FLRT2: variants seen among roughly 807,000 people sequenced by gnomAD.
The protein encoded by FLRT2 is fibronectin leucine rich transmembrane protein 2, also known as leucine-rich repeat transmembrane protein FLRT2.
A neutral mutation model predicts 40.0 loss-of-function variants in FLRT2; 15 were observed. The observed-to-expected ratio is 0.38, with a 90% CI of 0.25 to 0.58. The LOEUF (loss-of-function observed/expected upper bound fraction) is 0.58, where lower values mean the gene tolerates loss of function less well. Ranked by LOEUF, FLRT2 falls within the 20% of genes least tolerant of loss-of-function variation. The pLI is 0.71. For synonymous variants in FLRT2, 380 were observed against 336.8 expected, an observed-to-expected ratio of 1.13 and a Z score of -1.41; for missense variants, 726 against 840.0, an observed-to-expected ratio of 0.86 and a Z score of 1.68.
At chr14:85,612,857 A>G (rs1279551690) in intron 1 of FLRT2, among the ~76,000 whole-genome samples, 1 of 152,210 alleles carries the variant, frequency 6.6e-6, no homozygotes, top group African/African-American at 2.4e-5. Context: ...AATACACACT[A>G]TGTAATTTCA....
Position 85,571,211 on chromosome 14 carries a change from A to T in FLRT2, c.-377+40677A>T, listed in dbSNP as rs983201297. Among the ~76,000 whole-genome samples the T allele has an allele frequency of 5.6e-4, 85 of 152,298 alleles. 1 individual carries two copies. Among genetic ancestry groups the T allele is most frequent in the African/African-American group, 1.9e-3 (80 of 41,572 alleles). ...CTGTAGAAAACGATGTCATCTTAAG[A>T]ATCCCATCATGTTAACTTAGGGTCT... On this transcript the variant is annotated intron_variant, in intron 1 of 1. Transcript: ENST00000330753.
chr14:85,622,402 T>G lies in FLRT2; in HGVS notation c.888T>G (p.Phe296Leu). 1 of 1,614,180 alleles carries G rather than the reference T, an allele frequency of 6.2e-7. No homozygotes were observed. Among genetic ancestry groups the G allele is most frequent in the Non-Finnish European group, 8.5e-7 (1 of 1,180,034 alleles). Residue 296 changes from phenylalanine to leucine, a missense_variant, in exon 2 of 2, where the codon TTT becomes TTG. Phe to Leu is a conservative substitution (Grantham distance 22, BLOSUM62 0). Transcript: ENST00000330753. The stretch of plus-strand genomic sequence containing the variant: ...TGCGGATGCTGACTCAAGGGGTTTT[T>G]GATAATCTCTCCAACCTGAAGCAGC... ...NQLRMLTQGV[F>L]DNLSNLKQLT...
chr14:85,601,417 C>A (rs1892373559), intron 1 of FLRT2, among the ~76,000 whole-genome samples: 1 of 152,166 alleles, frequency 6.6e-6, no homozygotes, highest in African/African-American at 2.4e-5. Context: ...TAAAATTATG[C>A]CCAACATCAC....
rs1893796073 is a variant in FLRT2 at position 85,628,753 on chromosome 14, GTAATTCATA to G, written c.*5258_*5266del. The G allele has an allele frequency of 6.6e-6, 1 of 152,172 alleles. No individual in the cohort carries two copies. Among genetic ancestry groups the G allele is most frequent in the Admixed American group, 6.5e-5 (1 of 15,268 alleles). 9.4% of individuals were successfully genotyped at this position (152,172 alleles called of 1,614,324 possible). A position where few individuals can be genotyped will look rare whatever the true frequency, so the allele number is the denominator to read the frequency against. ...TGACTATGAAAGACAGTGCTAACAA[GTAATTCATA>G]TTACTTTTGGGGATTTTATGTAAAG... On this transcript the variant is annotated 3_prime_UTR_variant, in exon 2 of 2. Coordinates refer to ENST00000330753, the MANE Select transcript of FLRT2 (RefSeq NM_013231.6).
At chr14:85,593,603 G>A (rs1425414634) in intron 1 of FLRT2, among the ~76,000 whole-genome samples, 2 of 152,092 alleles carry the variant, frequency 1.3e-5, no homozygotes, top group East Asian at 1.9e-4. Context: ...AATGAATAAT[G>A]TTTTACAAAT....
At position 85,624,020 on chromosome 14, in the gene FLRT2, T is replaced by C. The variant is rs933167954; in HGVS notation, c.*523T>C. On this transcript the variant is annotated 3_prime_UTR_variant, in exon 2 of 2. Coordinates refer to ENST00000330753, the MANE Select transcript of FLRT2 (RefSeq NM_013231.6). ...TCTATAATGTAAGAATGGAGGTAGT[T>C]ACCCTGATTTGACCCTGTGTGGGAA... The C allele has an allele frequency of 6.6e-5, 11 of 167,226 alleles. No individual in the cohort carries two copies. The highest frequency in any genetic ancestry group is 4.1e-4 in the South Asian group (2 of 4,826). 10.4% of individuals were successfully genotyped at this position (167,226 alleles called of 1,614,324 possible). A position where few individuals can be genotyped will look rare whatever the true frequency, so the allele number is the denominator to read the frequency against.
At chr14:85,570,663 G>A (rs1890849312) in intron 1 of FLRT2, among the ~76,000 whole-genome samples, 1 of 151,310 alleles carries the variant, frequency 6.6e-6, no homozygotes, top group Admixed American at 6.6e-5. Context: ...CTCACTGCAA[G>A]CTCTGCCTCC....
intron 1 of FLRT2, among the ~76,000 whole-genome samples, chr14:85,579,239 G>A (rs1012192286): frequency 6.6e-6 from 1 of 152,140 alleles, no homozygotes; most frequent in Non-Finnish European, 1.5e-5. Context: ...AATCTATGCT[G>A]CTTACTGGGA....
chr14:85,626,158 C>G lies in FLRT2; in HGVS notation c.*2661C>G, dbSNP rs541748578. The G allele has an allele frequency of 1.2e-5, 2 of 167,162 alleles. No homozygotes were observed. Among genetic ancestry groups the G allele is most frequent in the South Asian group, 4.2e-4 (2 of 4,818 alleles). The allele number at this position is 167,162 out of a possible 1,614,324, so 10.4% of individuals were successfully genotyped here. On this transcript the variant is annotated 3_prime_UTR_variant, in exon 2 of 2. Transcript: ENST00000330753. Reference sequence around the variant, plus strand: ...CCATTTGTTACAGCCTCACCTGCACCAGGATAGAAAGCACGTGATGGAATC... The same window carrying G: ...CCATTTGTTACAGCCTCACCTGCACGAGGATAGAAAGCACGTGATGGAATC...
intron 1 of FLRT2, among the ~76,000 whole-genome samples, chr14:85,620,186 T>C (rs1893316947): frequency 1.3e-5 from 2 of 152,232 alleles, no homozygotes. Context: ...TCTGCCTTCA[T>C]ACATGCTTCT....
chr14:85,594,422 G>A (rs1204737065), intron 1 of FLRT2, among the ~76,000 whole-genome samples: 1 of 152,130 alleles, frequency 6.6e-6, no homozygotes, highest in Non-Finnish European at 1.5e-5. Context: ...TCCCAGAGAT[G>A]TGTGTGTGCC....
rs754192129 is a variant in FLRT2 at position 85,621,989 on chromosome 14, A to C, written c.475A>C (p.Ile159Leu). 2.3e-5 allele frequency: 37 copies of C among 1,605,198 alleles called. No homozygotes were observed. Among genetic ancestry groups the C allele is most frequent in the Non-Finnish European group, 3.1e-5 (37 of 1,175,700 alleles). ...GGAAGACGGGGCCTTCCGGGAGGCTATTAGCCTCAAATTGTTGTTTTTGTC... is the reference window on the plus strand; with the variant it reads ...GGAAGACGGGGCCTTCCGGGAGGCTCTTAGCCTCAAATTGTTGTTTTTGTC... ...GVEDGAFREA[I>L]SLKLLFLSKN... is the part of the protein sequence containing the mutation. Residue 159 changes from isoleucine to leucine, a missense_variant, in exon 2 of 2, where the codon ATT becomes CTT. By Grantham distance (5) the Ile-to-Leu change is conservative (BLOSUM62 2). Coordinates refer to ENST00000330753, the MANE Select transcript of FLRT2 (RefSeq NM_013231.6).
At chr14:85,601,271 C>T (rs1280423896) in intron 1 of FLRT2, among the ~76,000 whole-genome samples, 7 of 152,158 alleles carry the variant, frequency 4.6e-5, no homozygotes, top group African/African-American at 7.2e-5. Flanking sequence ...CCATCAGGGC[C>T]GGGTTGAACT....
At chr14:85,553,167 T>C (rs1490245439) in intron 1 of FLRT2, among the ~76,000 whole-genome samples, 2 of 152,208 alleles carry the variant, frequency 1.3e-5, no homozygotes, top group Non-Finnish European at 2.9e-5. Flanking sequence ...ATGAAATGCG[T>C]ACCCAGCTCT....
chr14:85,642,740 A>G lies in FLRT2; in HGVS notation c.*19243A>G, dbSNP rs1363894562. 2.0e-5 allele frequency: 3 copies of G among 152,152 alleles called. No individual in the cohort carries two copies. Among genetic ancestry groups the G allele is most frequent in the Non-Finnish European group, 4.4e-5 (3 of 68,032 alleles). 9.4% of individuals were successfully genotyped at this position (152,152 alleles called of 1,614,324 possible). A position where few individuals can be genotyped will look rare whatever the true frequency, so the allele number is the denominator to read the frequency against. On this transcript the variant is annotated 3_prime_UTR_variant, in exon 2 of 2. Coordinates refer to ENST00000330753, the MANE Select transcript of FLRT2 (RefSeq NM_013231.6). ...GAGCTTACCCAACCAGCTCAGAGTG[A>G]TTATAATTGTTTTGCTTTCTGGATT...
chr14:85,597,825 A>C (rs193045256), intron 1 of FLRT2, among the ~76,000 whole-genome samples: 2 of 152,334 alleles, frequency 1.3e-5, no homozygotes, highest in Admixed American at 1.3e-4. Context: ...AAATCTAAAA[A>C]CATGAGTGAA....
chr14:85,628,924 C>G lies in FLRT2; in HGVS notation c.*5427C>G, dbSNP rs1204316096. ...CTCCTACTCTGTTCCAAACACTAGG[C>G]TGAGTTCAGAGGCCTCACAGAATAG... On this transcript the variant is annotated 3_prime_UTR_variant, in exon 2 of 2. Coordinates refer to ENST00000330753, the MANE Select transcript of FLRT2 (RefSeq NM_013231.6). 1 of 152,204 alleles carries G rather than the reference C, an allele frequency of 6.6e-6. No individual in the cohort carries two copies. Among genetic ancestry groups the G allele is most frequent in the Non-Finnish European group, 1.5e-5 (1 of 68,038 alleles). The allele number at this position is 152,204 out of a possible 1,614,324, so 9.4% of individuals were successfully genotyped here. A position where few individuals can be genotyped will look rare whatever the true frequency, so the allele number is the denominator to read the frequency against.
At chr14:85,619,872 T>A (rs1489774096) in intron 1 of FLRT2, among the ~76,000 whole-genome samples, 5 of 152,224 alleles carry the variant, frequency 3.3e-5, no homozygotes, top group Non-Finnish European at 7.3e-5. Context: ...TTGCCTTGAC[T>A]TCCTCAACTG....
intron 1 of FLRT2, among the ~76,000 whole-genome samples, chr14:85,589,414 T>C (rs1015687886): frequency 2.0e-5 from 3 of 152,236 alleles, no homozygotes; most frequent in Non-Finnish European, 4.4e-5. Context: ...GTTTCTTCTT[T>C]TGAGAAATGT....
Sources: allele counts gnomAD v4.1 joint callset (sites outside exome capture counted in the v4.1 genomes callset), GRCh38; gene constraint gnomAD v4.1.1; transcripts MANE v1.5; gene names NCBI Gene and HGNC (gene_info 2026-07-23, HGNC 2026-07-21).